Variants in SUV39H2 observed in about 807,000 individuals in gnomAD.
SUV39H2 encodes the protein histone-lysine N-methyltransferase SUV39H2.
SUV39H2 carries 10 observed loss-of-function variants against 47.5 expected under a neutral mutation model. The observed-to-expected ratio is 0.21, with a 90% CI of 0.13 to 0.36. The LOEUF is 0.36. SUV39H2 is among the 10% of genes least tolerant of loss of function. The pLI, the probability that SUV39H2 is intolerant of heterozygous loss-of-function variation, is 1.00. For missense variants in SUV39H2, 266 were observed against 487.4 expected, an observed-to-expected ratio of 0.55 and a Z score of 4.28; for synonymous variants, 159 against 166.8, an observed-to-expected ratio of 0.95 and a Z score of 0.36.
At chr10:14,883,261 C>G (rs1833097876) in intron 2 of SUV39H2, among the ~76,000 whole-genome samples, 1 of 152,176 alleles carries the variant, frequency 6.6e-6, no homozygotes, top group Non-Finnish European at 1.5e-5. Context: ...CTTCCCTAAC[C>G]TTCAGAGATT....
chr10:14,878,938 C>CG lies in SUV39H2; in HGVS notation c.31+19_31+20insG, dbSNP rs1832953725. ...CGAGGAGGTGAGGCTGGAGCGCGGC[C>CG]CCCTCGCCTTCCCTGTTCCCAGGCA... On this transcript the variant is annotated intron_variant, in intron 1 of 5. Coordinates refer to ENST00000354919, the MANE Select transcript of SUV39H2 (RefSeq NM_001193424.2). 2.7e-6 allele frequency: 4 copies of CG among 1,457,712 alleles called. No individual in the cohort carries two copies. The East Asian group carries it at 1.2e-4, about 44-fold the overall frequency. 90.3% of individuals were successfully genotyped at this position (1,457,712 alleles called of 1,614,324 possible). A position where few individuals can be genotyped will look rare whatever the true frequency, so the allele number is the denominator to read the frequency against.
At chr10:14,889,655 T>C (rs1440526293) in intron 2 of SUV39H2, among the ~76,000 whole-genome samples, 1 of 152,154 alleles carries the variant, frequency 6.6e-6, no homozygotes, top group African/African-American at 2.4e-5. Context: ...GTAACAAAGG[T>C]CATACATCAC....
At chr10:14,890,406 A>G (rs1833350961) in intron 2 of SUV39H2, among the ~76,000 whole-genome samples, 1 of 152,142 alleles carries the variant, frequency 6.6e-6, no homozygotes, top group African/African-American at 2.4e-5. Context: ...CCAGTTATTT[A>G]TTTAGAGACA....
At chr10:14,893,716 A>T (rs974459435) in intron 2 of SUV39H2, among the ~76,000 whole-genome samples, 1 of 152,236 alleles carries the variant, frequency 6.6e-6, no homozygotes, top group African/African-American at 2.4e-5. Context: ...CTAGTCTGCT[A>T]TAAGCATTCA....
chr10:14,882,647 C>T (rs1020928067), intron 2 of SUV39H2, among the ~76,000 whole-genome samples: 1 of 152,134 alleles, frequency 6.6e-6, no homozygotes, highest in African/African-American at 2.4e-5. Context: ...CTTGCTTTTC[C>T]CATTCTTGTC....
chr10:14,900,400 C>A (rs1420822699), intron 4 of SUV39H2, among the ~76,000 whole-genome samples: 2 of 152,116 alleles, frequency 1.3e-5, no homozygotes, highest in Non-Finnish European at 2.9e-5. Flanking sequence ...TATAGCTGAA[C>A]ATATAAAGGA....
intron 2 of SUV39H2, among the ~76,000 whole-genome samples, chr10:14,882,977 C>G (rs1404554632): frequency 6.6e-6 from 1 of 151,936 alleles, no homozygotes. Flanking sequence ...CAGCGATTCT[C>G]CTGTCTCCGC....
intron 1 of SUV39H2, chr10:14,879,224 G>A (rs903055592): frequency 2.5e-6 from 2 of 800,798 alleles, no homozygotes; most frequent in African/African-American, 1.8e-5. Flanking sequence ...GCGGCCTCGG[G>A]CTTCGAGGCC....
At chr10:14,886,617 C>T (rs996538419) in intron 2 of SUV39H2, among the ~76,000 whole-genome samples, 2 of 152,232 alleles carry the variant, frequency 1.3e-5, no homozygotes, top group African/African-American at 4.8e-5. Flanking sequence ...ATGATAGCAG[C>T]ATTCTGTTGA....
chr10:14,881,775 A>T (rs1242358072), intron 2 of SUV39H2, 130 bp downstream of exon 2: 1 of 812,606 alleles, frequency 1.2e-6, no homozygotes, highest in Non-Finnish European at 1.8e-6. Flanking sequence ...TGATAAATTT[A>T]TATGTCCTAT....
In SUV39H2 at chr10:14,899,604, C is replaced by G; in HGVS notation, c.915C>G (p.Leu305=). ...QFYDNKGITY[L]FDLDYESDEF... ...ATGACAACAAGGGAATCACGTATCT[C>G]TTTGATCTGGACTATGAGTCTGATG... The change falls in exon 4 of 6, where the codon CTC becomes CTG. Residue 305 remains leucine (L), a synonymous_variant. Transcript: ENST00000354919. The G allele has an allele frequency of 6.2e-7, 1 of 1,614,102 alleles. No homozygotes were observed. Among genetic ancestry groups the G allele is most frequent in the Non-Finnish European group, 8.5e-7 (1 of 1,180,002 alleles).
intron 2 of SUV39H2, among the ~76,000 whole-genome samples, chr10:14,882,658 A>G (rs1181908006): frequency 6.6e-6 from 1 of 152,194 alleles, no homozygotes; most frequent in Non-Finnish European, 1.5e-5. Flanking sequence ...CATTCTTGTC[A>G]GCAGGTTTTC....
chr10:14,890,110 A>G (rs565123773), intron 2 of SUV39H2, among the ~76,000 whole-genome samples: 5 of 152,222 alleles, frequency 3.3e-5, no homozygotes, highest in African/African-American at 4.8e-5. Context: ...ACATCTGACA[A>G]TATAGTGATA....
At position 14,897,071 on chromosome 10, in the gene SUV39H2, A is replaced by G. The variant is rs763784378; in HGVS notation, c.403A>G (p.Ile135Val). The change falls in exon 3 of 6, where the codon ATA becomes GTA. Residue 135 changes from isoleucine (I) to valine (V), a missense_variant. Physicochemically the swap from Ile to Val is conservative, Grantham distance 29. Coordinates refer to ENST00000354919, the MANE Select transcript of SUV39H2 (RefSeq NM_001193424.2). ...CATTGTGAAGAAGGCTAAACAAAGG[A>G]TAGCTCTGCAGAGATGGCAAGATGA... The part of the protein sequence containing the change: ...EYIVKKAKQR[I>V]ALQRWQDELN... 7.4e-6 allele frequency: 12 copies of G among 1,614,098 alleles called. No homozygotes were observed. Among genetic ancestry groups the G allele is most frequent in the Non-Finnish European group, 1.0e-5 (12 of 1,180,022 alleles).
At chr10:14,882,338 T>A (rs1166248784) in intron 2 of SUV39H2, among the ~76,000 whole-genome samples, 5 of 152,152 alleles carry the variant, frequency 3.3e-5, no homozygotes, top group Non-Finnish European at 7.3e-5. Flanking sequence ...GGGAATCTTG[T>A]TTAAGTCTTT....
At position 14,902,208 on chromosome 10, in the gene SUV39H2, C is replaced by T. The variant is rs190023651; in HGVS notation, c.1127-198C>T. Among the ~76,000 whole-genome samples, 30 of 152,248 alleles carry T rather than the reference C, an allele frequency of 2.0e-4. No individual in the cohort carries two copies. The South Asian group carries it at 5.0e-3, about 25-fold the overall frequency. ...TTCAAGACAATTCATTATGATTTGACGCTGAATATTAACATTTATTTGTAA... is the reference window on the plus strand; with the variant it reads ...TTCAAGACAATTCATTATGATTTGATGCTGAATATTAACATTTATTTGTAA... On this transcript the variant is annotated intron_variant, in intron 5 of 5. Coordinates refer to ENST00000354919, the MANE Select transcript of SUV39H2 (RefSeq NM_001193424.2).
chr10:14,884,359 T>C (rs919253296), intron 2 of SUV39H2, among the ~76,000 whole-genome samples: 2 of 152,232 alleles, frequency 1.3e-5, no homozygotes, highest in African/African-American at 4.8e-5. Flanking sequence ...TTGATGATAG[T>C]TTTCCTAGTA....
At chr10:14,894,344 A>G in intron 2 of SUV39H2, among the ~76,000 whole-genome samples, 1 of 149,438 alleles carries the variant, frequency 6.7e-6, no homozygotes, top group Non-Finnish European at 1.5e-5. Context: ...CAATTTTCAA[A>G]AGAAAGCAAA....
chr10:14,899,571 A>G lies in SUV39H2; in HGVS notation c.882A>G (p.Gly294=). The change falls in exon 4 of 6, where the codon GGA becomes GGG. Residue 294 remains glycine, a synonymous_variant. Transcript: ENST00000354919. ...CAAGTGAAGAAGCTGAAAGACGAGG[A>G]CAGTTCTATGACAACAAGGGAATCA... ...VITSEEAERR[G]QFYDNKGITY... The G allele has an allele frequency of 6.2e-7, 1 of 1,614,168 alleles. No homozygotes were observed. Among genetic ancestry groups the G allele is most frequent in the Non-Finnish European group, 8.5e-7 (1 of 1,180,016 alleles).
Sources: gnomAD v4.1 joint callset for allele counts (sites outside exome capture counted in the v4.1 genomes callset) on GRCh38, gnomAD v4.1.1 for gene constraint, MANE v1.5 for transcripts, NCBI Gene and HGNC (gene_info 2026-07-23, HGNC 2026-07-21) for gene names.